The following PTPRD variants were observed in gnomAD, a reference collection of about 807,000 sequenced individuals.
PTPRD encodes the protein receptor-type tyrosine-protein phosphatase delta.
A neutral mutation model predicts 214.5 loss-of-function variants in PTPRD; 34 were observed. The ratio of observed to expected loss-of-function variants is 0.16; its 90% confidence interval spans 0.12 to 0.21. PTPRD has a LOEUF of 0.21. PTPRD is among the 10% of genes least tolerant of loss of function. The pLI is 1.00. For missense variants in PTPRD, 2,545 were observed against 2,398.7 expected, an observed-to-expected ratio of 1.06 and a Z score of -1.27; for synonymous variants, 1,128 against 845.7, an observed-to-expected ratio of 1.33 and a Z score of -5.79.
intron 12 of PTPRD, chr9:8,713,200 T>G: frequency 3.5e-6 from 2 of 576,184 alleles, no homozygotes. Flanking sequence ...GGTCAAACAT[T>G]TGATCTGAAA....
chr9:9,209,821 C>G (rs1013501590), intron 9 of PTPRD, among the ~76,000 whole-genome samples: 1 of 152,026 alleles, frequency 6.6e-6, no homozygotes, highest in African/African-American at 2.4e-5. Flanking sequence ...AGTAAGTTAG[C>G]CTACCATGGT....
intron 5 of PTPRD, among the ~76,000 whole-genome samples, chr9:9,815,279 C>T (rs2048403432): frequency 6.6e-6 from 1 of 152,006 alleles, no homozygotes; most frequent in Non-Finnish European, 1.5e-5. Flanking sequence ...AGGACAGTAT[C>T]TTCAATAAAT....
rs79784834 is a variant in PTPRD at position 9,659,499 on chromosome 9, A to C, written c.-287+75034T>G. On this transcript the variant is annotated intron_variant, in intron 7 of 45. Transcript: ENST00000381196. ...TATACATCAAATCAATTAAGTCAGA[A>C]TCTCTGGACATAGGACTCAGGTGTT... Among the ~76,000 whole-genome samples, 295 of 152,176 alleles carry C rather than the reference A, an allele frequency of 1.9e-3. 1 individual carries two copies. Among genetic ancestry groups the C allele is most frequent in the African/African-American group, 6.9e-3 (285 of 41,540 alleles).
At chr9:10,149,261 AAACAT>A (rs1475704890) in intron 3 of PTPRD, among the ~76,000 whole-genome samples, 1 of 152,192 alleles carries the variant, frequency 6.6e-6, no homozygotes, top group Non-Finnish European at 1.5e-5. Context: ...ATTTTTACTA[AAACAT>A]AACATCAACA....
chr9:9,601,154 G>GA lies in PTPRD; in HGVS notation c.-286-26374_-286-26373insT, dbSNP rs201557531. 1.2e-4 allele frequency among the ~76,000 whole-genome samples: 11 copies of GA among 94,194 alleles called. 1 individual carries two copies. Among genetic ancestry groups the GA allele is most frequent in the African/African-American group, 4.0e-4 (11 of 27,720 alleles). 61.8% of individuals were successfully genotyped at this position (94,194 alleles called of 152,430 possible). On this transcript the variant is annotated intron_variant, in intron 7 of 45. Coordinates refer to ENST00000381196, the MANE Select transcript of PTPRD (RefSeq NM_002839.4). ...GTGTGTGTGTGTGTGTGTGTGTATGGGGGGGGGAGAGTGGGGAGAGAGAGA... is the reference window on the plus strand; with the variant it reads ...GTGTGTGTGTGTGTGTGTGTGTATGGAGGGGGGGAGAGTGGGGAGAGAGAGA...
intron 11 of PTPRD, among the ~76,000 whole-genome samples, chr9:8,957,044 G>A (rs1033783219): frequency 1.3e-5 from 2 of 151,800 alleles, no homozygotes; most frequent in African/African-American, 4.8e-5. Context: ...ATCCTGTTGT[G>A]AGATTCTTCT....
At chr9:9,607,639 C>T (rs1285972787) in intron 7 of PTPRD, among the ~76,000 whole-genome samples, 2 of 151,924 alleles carry the variant, frequency 1.3e-5, no homozygotes, top group South Asian at 4.2e-4. Context: ...GGTTTAACCT[C>T]AGAGCATCCT....
intron 3 of PTPRD, among the ~76,000 whole-genome samples, chr9:10,034,631 T>G (rs1358234378): frequency 6.6e-6 from 1 of 152,104 alleles, no homozygotes; most frequent in Non-Finnish European, 1.5e-5. Context: ...TGTGTCCATA[T>G]GTTCTCACCA....
intron 3 of PTPRD, among the ~76,000 whole-genome samples, chr9:10,237,270 G>A (rs549122069): frequency 1.3e-5 from 2 of 151,854 alleles, no homozygotes; most frequent in Non-Finnish European, 2.9e-5. Flanking sequence ...CTCAAAAAAG[G>A]CCACAATTAT....
chr9:9,697,438 T>C (rs2097399847), intron 7 of PTPRD, among the ~76,000 whole-genome samples: 1 of 152,144 alleles, frequency 6.6e-6, no homozygotes, highest in African/African-American at 2.4e-5. Flanking sequence ...GAAGAATAGC[T>C]TTGTTGGGTA....
chr9:10,443,162 G>C (rs1346131201), intron 2 of PTPRD, among the ~76,000 whole-genome samples: 1 of 150,516 alleles, frequency 6.6e-6, no homozygotes, highest in African/African-American at 2.4e-5. Context: ...AATGTGGATT[G>C]TCTGAAATAA....
At chr9:9,203,634 C>G (rs553111316) in intron 9 of PTPRD, among the ~76,000 whole-genome samples, 94 of 152,240 alleles carry the variant, frequency 6.2e-4, no homozygotes, top group Non-Finnish European at 6.2e-4. Flanking sequence ...AGATTTTCCT[C>G]CCCTTGATCC....
chr9:9,377,877 CT>C (rs56962993), intron 9 of PTPRD, among the ~76,000 whole-genome samples: 33,003 of 151,888 alleles, frequency 0.22, 3,970 homozygotes, highest in Middle Eastern at 0.38. Flanking sequence ...GAAAGCACCT[CT>C]TCTAGAAGAT....
At chr9:8,678,314 C>T (rs899742983) in intron 12 of PTPRD, among the ~76,000 whole-genome samples, 2 of 152,106 alleles carry the variant, frequency 1.3e-5, no homozygotes, top group African/African-American at 4.8e-5. Context: ...AACTATTTGA[C>T]CTTTTCAAAA....
intron 4 of PTPRD, among the ~76,000 whole-genome samples, chr9:9,987,317 G>T (rs972853253): frequency 1.3e-5 from 2 of 152,122 alleles, no homozygotes; most frequent in Non-Finnish European, 2.9e-5. Flanking sequence ...TTTTCACACT[G>T]CTGATAAGAC....
At chr9:9,261,495 C>T (rs1213949251) in intron 9 of PTPRD, among the ~76,000 whole-genome samples, 1 of 151,638 alleles carries the variant, frequency 6.6e-6, no homozygotes. Context: ...TTTATCTTTG[C>T]CTGAGAAAAA....
At chr9:10,035,964 G>C (rs1319399031) in intron 3 of PTPRD, among the ~76,000 whole-genome samples, 1 of 152,076 alleles carries the variant, frequency 6.6e-6, no homozygotes, top group Non-Finnish European at 1.5e-5. Context: ...GAGGACATAG[G>C]TGAGTGTCTA....
At chr9:9,750,515 T>A (rs2098506421) in intron 6 of PTPRD, among the ~76,000 whole-genome samples, 1 of 152,082 alleles carries the variant, frequency 6.6e-6, no homozygotes, top group Non-Finnish European at 1.5e-5. Flanking sequence ...TCTACTTACC[T>A]CACCATAACC....
intron 11 of PTPRD, among the ~76,000 whole-genome samples, chr9:9,008,109 T>A (rs191874005): frequency 3.4e-5 from 5 of 148,516 alleles, no homozygotes; most frequent in Non-Finnish European, 6.0e-5. Context: ...GCTTTTCATG[T>A]TTTTAACTTT....
Sources: allele counts gnomAD v4.1 joint callset (sites outside exome capture counted in the v4.1 genomes callset), GRCh38; gene constraint gnomAD v4.1.1; transcripts MANE v1.5; gene names NCBI Gene and HGNC (gene_info 2026-07-23, HGNC 2026-07-21).